Variants in TNXB observed in about 807,000 individuals in gnomAD.
The protein encoded by TNXB is tenascin XB, also known as tenascin-X.
In TNXB, 183 loss-of-function variants were observed where a neutral mutation model predicts 340.5. The ratio of observed to expected loss-of-function variants is 0.54; its 90% CI spans 0.48 to 0.61. The LOEUF (loss-of-function observed/expected upper bound fraction) is 0.61. TNXB is among the 20% of genes least tolerant of loss of function. The probability of loss-of-function intolerance (pLI) is 0.00; values close to 1 mark genes in which losing one functional copy is unlikely to be tolerated. For missense variants in TNXB, 4,613 were observed against 5,446.4 expected (o/e 0.85, Z 4.82); for synonymous variants, 2,121 against 2,314.5 (o/e 0.92, Z 2.40).
chr6:32,072,757 C>T lies in TNXB; in HGVS notation c.4682-459G>A, dbSNP rs1180205043. Among the ~76,000 whole-genome samples, 2 of 152,242 alleles carry T rather than the reference C, an allele frequency of 1.3e-5. No homozygotes were observed. The highest frequency in any genetic ancestry group is 2.9e-5 in the Non-Finnish European group (2 of 68,042). Reference sequence around the variant, plus strand: ...CTGAGGTCAGGAGTTTGAGGCCAGCCTGGCCAACATGGCGAAACCCTGTTT... The same window carrying T: ...CTGAGGTCAGGAGTTTGAGGCCAGCTTGGCCAACATGGCGAAACCCTGTTT... On this transcript the variant is annotated intron_variant, in intron 12 of 43. Coordinates refer to ENST00000644971, the MANE Select transcript of TNXB (RefSeq NM_001365276.2). The surrounding 1 kb of genome is among the most constrained non-coding windows in gnomAD (Gnocchi z 4.4).
At chr6:32,100,829 C>T (rs1238673029) in intron 1 of TNXB, among the ~76,000 whole-genome samples, 1 of 152,042 alleles carries the variant, frequency 6.6e-6, no homozygotes, top group Non-Finnish European at 1.5e-5. Flanking sequence ...CACCTGAAAT[C>T]CCAGCACTTT....
intron 1 of TNXB, among the ~76,000 whole-genome samples, 158 bp downstream of exon 1, chr6:32,109,023 T>C (rs1781111861): frequency 1.3e-5 from 2 of 152,140 alleles, no homozygotes; most frequent in Admixed American, 1.3e-4. Flanking sequence ...GGGAGCCTGG[T>C]TCCCAGCGAA....
chr6:32,062,421 T>C lies in TNXB; in HGVS notation c.6904A>G (p.Ile2302Val). The change falls in exon 20 of 44, where the codon ATC becomes GTC. Residue 2302 changes from isoleucine (I) to valine (V), a missense_variant. Physicochemically the swap from Ile to Val is conservative, Grantham distance 29. Coordinates refer to ENST00000644971, the MANE Select transcript of TNXB (RefSeq NM_001365276.2). This position sits in a 1 kb window ranked among gnomAD's most constrained non-coding sequence, Gnocchi z 4.3. ...GTCAGCTCCTCCAGGCGAGGCTTGATGGGGGGTTCAGGGGTGGGAGGTTCT... is the reference window on the plus strand; with the variant it reads ...GTCAGCTCCTCCAGGCGAGGCTTGACGGGGGGTTCAGGGGTGGGAGGTTCT... Reference protein sequence around the residue: ...STEPPTPEPPIKPRLEELTVT... With the variant: ...STEPPTPEPPVKPRLEELTVT... The C allele has an allele frequency of 5.0e-6, 8 of 1,612,784 alleles. No individual in the cohort carries two copies. The highest frequency in any genetic ancestry group is 6.8e-6 in the Non-Finnish European group (8 of 1,179,752).
At position 32,053,652 on chromosome 6, in the gene TNXB, T is replaced by TG. The variant is rs1240770504; in HGVS notation, c.8526dup (p.Asn2843GlnfsTer16). 1 of 1,613,256 alleles carries TG rather than the reference T, an allele frequency of 6.2e-7. No homozygotes were observed. On this transcript the variant is annotated frameshift_variant, in exon 25 of 44. Transcript: ENST00000644971. LOFTEE classifies it high-confidence loss of function. ...GTCAGCTCCCCGAGGCGAGGCTTGT[T>TG]GGGGGGCTCAGGGGTTGTGGTGGGC...
intron 11 of TNXB, among the ~76,000 whole-genome samples, chr6:32,078,303 C>A (rs1779225644): frequency 6.6e-6 from 1 of 151,548 alleles, no homozygotes; most frequent in Non-Finnish European, 1.5e-5. Flanking sequence ...AAAAAAGTAA[C>A]CAGGTGTGGT....
At chr6:32,053,786 C>CA in intron 24 of TNXB, 75 bp from the exon 25 acceptor site, 1 of 1,525,284 alleles carries the variant, frequency 6.6e-7, no homozygotes, top group Non-Finnish European at 8.9e-7. Flanking sequence ...TCACAAAACA[C>CA]AAAGTGCCCA....
In TNXB at chr6:32,062,501, A is replaced by G; in HGVS notation, c.6842-18T>C. The stretch of plus-strand genomic sequence containing the variant: ...TCCTGGGGCTGCATCAGAAAATAGA[A>G]TGGGTGGGCATGCCTGGTGGGCCTC... On this transcript the variant is annotated intron_variant, in intron 19 of 43. Coordinates refer to ENST00000644971, the MANE Select transcript of TNXB (RefSeq NM_001365276.2). The surrounding 1 kb of genome is among the most constrained non-coding windows in gnomAD (Gnocchi z 4.3). The G allele has an allele frequency of 6.4e-7, 1 of 1,573,844 alleles. No individual in the cohort carries two copies. Among genetic ancestry groups the G allele is most frequent in the Non-Finnish European group, 8.6e-7 (1 of 1,157,556 alleles).
intron 11 of TNXB, among the ~76,000 whole-genome samples, chr6:32,077,637 G>A (rs1031596966): frequency 6.6e-6 from 1 of 152,258 alleles, no homozygotes. Flanking sequence ...GGCTGGTCCT[G>A]TGTGGTGGTG....
rs1778867662 is a variant in TNXB at position 32,073,019 on chromosome 6, C to T, written c.4681+628G>A. Among the ~76,000 whole-genome samples the T allele has an allele frequency of 6.6e-6, 1 of 152,166 alleles. No individual in the cohort carries two copies. The highest frequency in any genetic ancestry group is 2.1e-4 in the South Asian group (1 of 4,822). On this transcript the variant is annotated intron_variant, in intron 12 of 43. Transcript: ENST00000644971. The surrounding 1 kb of genome is among the most constrained non-coding windows in gnomAD (Gnocchi z 4.6). ...ATGTTTCCTTTGTAATCCTATACAG[C>T]TTATTTTACAGATTTAAAAACATTG...
Position 32,058,389 on chromosome 6 carries a change from G to T in TNXB, c.7494C>A (p.Ala2498=), listed in dbSNP as rs761305709. 2.5e-6 allele frequency: 4 copies of T among 1,598,056 alleles called. No homozygotes were observed. In the South Asian group the frequency reaches 4.4e-5, roughly 18 times the overall value. ...VGPVSTVGVT[A]PQEDVDETPS... ...GGGTCTCGTCCACATCCTCTTGTGGGGCTGAAAGGTAATATAGGGGGATAC... is the reference window on the plus strand; with the variant it reads ...GGGTCTCGTCCACATCCTCTTGTGGTGCTGAAAGGTAATATAGGGGGATAC... Residue 2498 remains alanine (A), a splice_region_variant and synonymous_variant, in exon 22 of 44, where the codon GCC becomes GCA. Transcript: ENST00000644971. This position sits in a 1 kb window ranked among gnomAD's most constrained non-coding sequence, Gnocchi z 5.1.
At chr6:32,095,535 A>C (rs1780281213) in intron 3 of TNXB, 76 bp downstream of exon 3, 1 of 1,530,890 alleles carries the variant, frequency 6.5e-7, no homozygotes, top group Admixed American at 1.8e-5. Flanking sequence ...ACTCTTCCTC[A>C]GGCTCAGGTC....
In TNXB at chr6:32,064,918, G is replaced by A. The variant is rs765263719; in HGVS notation, c.6744C>T (p.Thr2248=). The A allele has an allele frequency of 1.6e-5, 26 of 1,612,826 alleles. No individual in the cohort carries two copies. Among genetic ancestry groups the A allele is most frequent in the Non-Finnish European group, 2.2e-5 (26 of 1,179,876 alleles). The stretch of plus-strand genomic sequence containing the variant: ...TGTGGTCTGGCTCCAGGCCCGAGAT[G>A]GTGACCCCATCCTCGTGTCCCGGCA... ...VRVPGHEDGV[T]ISGLEPDHKY... The change falls in exon 19 of 44, where the codon ACC becomes ACT. Residue 2248 remains threonine, a synonymous_variant. Transcript: ENST00000644971. This position sits in a 1 kb window ranked among gnomAD's most constrained non-coding sequence, Gnocchi z 5.3.
In TNXB at chr6:32,055,925, C is replaced by T. The variant is rs372230994; in HGVS notation, c.8393G>A (p.Arg2798His). The T allele has an allele frequency of 1.2e-4, 189 of 1,613,340 alleles. No individual in the cohort carries two copies. The highest frequency in any genetic ancestry group is 1.5e-4 in the Non-Finnish European group (174 of 1,179,882). The stretch of plus-strand genomic sequence containing the variant: ...GCCGTACAGGTGCATCTTGTATTTG[C>T]GCCCGGGCTCCAGGCCCCCCACGGT... ...EVTVGGLEPG[R>H]KYKMHLYGLH... The change falls in exon 24 of 44, where the codon CGC (arginine) becomes CAC (histidine). Residue 2798 changes from arginine to histidine, a missense_variant. Around this residue, in one of 7 missense-constraint regions of TNXB, gnomAD observed 4,327 missense variants for 4,859.4 expected, o/e 0.89. Transcript: ENST00000644971.
chr6:32,070,534 C>T lies in TNXB; in HGVS notation c.4991-120G>A, dbSNP rs1012786748. 9.1e-7 allele frequency: 1 copy of T among 1,104,470 alleles called. No homozygotes were observed. The highest frequency in any genetic ancestry group is 1.3e-6 in the Non-Finnish European group (1 of 792,634). The allele number at this position is 1,104,470 out of a possible 1,614,324, so 68.4% of individuals were successfully genotyped here. ...CAGTGCTTCCCCAAAATATTTCCATCACCTCCCATCCTCACCACCATCTCC... is the reference window on the plus strand; with the variant it reads ...CAGTGCTTCCCCAAAATATTTCCATTACCTCCCATCCTCACCACCATCTCC... On this transcript the variant is annotated intron_variant, in intron 13 of 43. Coordinates refer to ENST00000644971, the MANE Select transcript of TNXB (RefSeq NM_001365276.2). This position sits in a 1 kb window ranked among gnomAD's most constrained non-coding sequence, Gnocchi z 6.0.
At position 32,083,808 on chromosome 6, in the gene TNXB, G is replaced by T. The variant is rs1319167953; in HGVS notation, c.3445+605C>A. 1.3e-5 allele frequency among the ~76,000 whole-genome samples: 2 copies of T among 151,980 alleles called. No homozygotes were observed. The highest frequency in any genetic ancestry group is 4.8e-5 in the African/African-American group (2 of 41,390). ...CTCAAGTAGCTGGGACTACAGGCAC[G>T]CACCACCACGCCTGGCTAATATCTT... is the stretch of plus-strand genomic sequence containing the variant. On this transcript the variant is annotated intron_variant, in intron 8 of 43. Transcript: ENST00000644971. This position sits in a 1 kb window ranked among gnomAD's most constrained non-coding sequence, Gnocchi z 4.6.
Position 32,058,381 on chromosome 6 carries a change from T to A in TNXB, c.7502A>T (p.Glu2501Val). Residue 2501 changes from glutamate (E) to valine (V), a missense_variant, in exon 22 of 44, where the codon GAG (glutamate) becomes GTG (valine). Glu to Val is a moderately radical substitution (Grantham distance 121). Transcript: ENST00000644971. The surrounding 1 kb of genome is among the most constrained non-coding windows in gnomAD (Gnocchi z 5.1). Reference protein sequence around the residue: ...VSTVGVTAPQEDVDETPSPTE... With the variant: ...VSTVGVTAPQVDVDETPSPTE... The stretch of plus-strand genomic sequence containing the variant: ...AGGGCTGGGGGTCTCGTCCACATCC[T>A]CTTGTGGGGCTGAAAGGTAATATAG... 6.2e-7 allele frequency: 1 copy of A among 1,602,220 alleles called. No homozygotes were observed. The highest frequency in any genetic ancestry group is 8.5e-7 in the Non-Finnish European group (1 of 1,174,676).
At chr6:32,101,823 A>C (rs2127299763) in intron 1 of TNXB, among the ~76,000 whole-genome samples, 1 of 152,200 alleles carries the variant, frequency 6.6e-6, no homozygotes. Context: ...TCCTGGGCTC[A>C]AGTGATCCTC....
At chr6:32,066,530 T>C (rs528671695) in intron 18 of TNXB, among the ~76,000 whole-genome samples, 1 of 152,314 alleles carries the variant, frequency 6.6e-6, no homozygotes, top group East Asian at 1.9e-4. Flanking sequence ...TACATATTGT[T>C]TGAGTCCATT....
In TNXB at chr6:32,082,194, TA is replaced by T; in HGVS notation, c.3577del (p.Tyr1193ThrfsTer75). 1 of 1,612,548 alleles carries T rather than the reference TA, an allele frequency of 6.2e-7. No homozygotes were observed. The highest frequency in any genetic ancestry group is 8.5e-7 in the Non-Finnish European group (1 of 1,179,606). On this transcript the variant is annotated frameshift_variant, in exon 9 of 44. Coordinates refer to ENST00000644971, the MANE Select transcript of TNXB (RefSeq NM_001365276.2). LOFTEE classifies it high-confidence loss of function. The surrounding 1 kb of genome is among the most constrained non-coding windows in gnomAD (Gnocchi z 5.0). ...CTGGGGCCGTCCATCCCTGTCCCTG[TA>T]CTGGACCATGAAGGTGTCAAACTGG... is the stretch of plus-strand genomic sequence containing the variant. ...EGQFDTFMVQ[Y>X]RDRDGRPQVV...
Sources: allele counts gnomAD v4.1 joint callset (sites outside exome capture counted in the v4.1 genomes callset), GRCh38; gene constraint gnomAD v4.1.1; regional missense constraint gnomAD v4.1.1; non-coding constraint Gnocchi (gnomAD v3.1); transcripts MANE v1.5; gene names NCBI Gene and HGNC (gene_info 2026-07-23, HGNC 2026-07-21).